Variants in SH3KBP1 observed in about 807,000 individuals in gnomAD.
The protein encoded by SH3KBP1 is SH3 domain-containing kinase-binding protein 1.
Under a neutral mutation model 50.1 loss-of-function variants are expected in SH3KBP1, and 8 were observed. That is an observed-to-expected ratio of 0.16 (90% CI 0.09 to 0.29). SH3KBP1 has a LOEUF of 0.29. SH3KBP1 is among the 10% of genes least tolerant of loss of function. The pLI is 1.00. For synonymous variants in SH3KBP1, 227 were observed against 218.6 expected, an observed-to-expected ratio of 1.04 and a Z score of -0.34; for missense variants, 377 against 535.2, an observed-to-expected ratio of 0.70 and a Z score of 2.92.
rs759651696 is a variant in SH3KBP1 at position 19,608,050 on chromosome X, A to G, written c.898-5T>C. The G allele has an allele frequency of 7.5e-6, 9 of 1,198,577 alleles. No individual in the cohort carries two copies. In the Admixed American group the frequency reaches 2.0e-4, roughly 26 times the overall value. ...CCAGCCTACGTCGATGCAGTCCTAG[A>G]AAACAGGAGAACAGAGAGTGAGAGA... On this transcript the variant is annotated splice_polypyrimidine_tract_variant and splice_region_variant and intron_variant, in intron 8 of 17. Coordinates refer to ENST00000397821, the MANE Select transcript of SH3KBP1 (RefSeq NM_031892.3).
At chrX:19,553,045 G>A (rs946983562) in intron 13 of SH3KBP1, among the ~76,000 whole-genome samples, 4 of 111,596 alleles carry the variant, frequency 3.6e-5, no homozygotes, top group African/African-American at 6.5e-5. Context: ...AGCACTTGAC[G>A]AAAATGGTGG....
chrX:19,596,559 G>A (rs1041712286), intron 9 of SH3KBP1, among the ~76,000 whole-genome samples: 3 of 111,422 alleles, frequency 2.7e-5, no homozygotes, highest in Non-Finnish European at 5.7e-5. Flanking sequence ...ACTTTCTTTC[G>A]TGAAAAATTT....
At position 19,887,365 on chromosome X, in the gene SH3KBP1, C is replaced by T. The variant is rs929155310; in HGVS notation, c.-55G>A. ...CAGCGTGAAAGTTGGCGGAGGCGGGCGTGGGGGTTGGGGCGCCGGGATCGG... is the reference window on the plus strand; with the variant it reads ...CAGCGTGAAAGTTGGCGGAGGCGGGTGTGGGGGTTGGGGCGCCGGGATCGG... On this transcript the variant is annotated 5_prime_UTR_variant, in exon 1 of 18. Coordinates refer to ENST00000397821, the MANE Select transcript of SH3KBP1 (RefSeq NM_031892.3). 7.9e-5 allele frequency: 74 copies of T among 940,780 alleles called. No individual in the cohort carries two copies. The African/African-American group carries it at 1.3e-3, about 16-fold the overall frequency. The allele number at this position is 940,780 out of a possible 1,213,427, so 77.5% of individuals were successfully genotyped here.
chrX:19,862,320 C>CAAGATA (rs1294705680), intron 1 of SH3KBP1, among the ~76,000 whole-genome samples: 1 of 112,209 alleles, frequency 8.9e-6, no homozygotes, highest in Non-Finnish European at 1.9e-5. Flanking sequence ...AGGGCATAAA[C>CAAGATA]AAGATAAATT....
intron 6 of SH3KBP1, among the ~76,000 whole-genome samples, chrX:19,666,898 A>G (rs2062613011): frequency 8.9e-6 from 1 of 112,587 alleles, no homozygotes; most frequent in Non-Finnish European, 1.9e-5. Context: ...TGGTATGCCA[A>G]TGTACATTGT....
chrX:19,768,335 A>G (rs2065683025), intron 2 of SH3KBP1, among the ~76,000 whole-genome samples: 1 of 106,539 alleles, frequency 9.4e-6, no homozygotes, highest in South Asian at 4.3e-4. Flanking sequence ...AAAAAAGCAC[A>G]CAGCAATATC....
chrX:19,808,703 A>G (rs141361568), intron 2 of SH3KBP1, among the ~76,000 whole-genome samples: 1,690 of 111,405 alleles, frequency 0.015, 24 homozygotes, highest in African/African-American at 0.042. Context: ...ACCTACTTCT[A>G]TGGGGTCTGG....
chrX:19,837,986 A>C (rs1396010509), intron 1 of SH3KBP1, among the ~76,000 whole-genome samples: 1 of 110,863 alleles, frequency 9.0e-6, no homozygotes, highest in Non-Finnish European at 1.9e-5. Context: ...ATAAGAATGG[A>C]TAGGAGAAAA....
rs1240797660 is a variant in SH3KBP1 at position 19,534,856 on chromosome X, A to G, written c.*1561T>C. On this transcript the variant is annotated 3_prime_UTR_variant, in exon 18 of 18. Transcript: ENST00000397821. ...AGGAAGGCAGGGGGAGGAAGGGAGG[A>G]AGAGAAAGGAAGAGACATTTATTTG... 1.7e-5 allele frequency: 5 copies of G among 297,169 alleles called. No homozygotes were observed. Among genetic ancestry groups the G allele is most frequent in the Non-Finnish European group, 2.3e-5 (4 of 170,268 alleles). The allele number at this position is 297,169 out of a possible 1,213,427, so 24.5% of individuals were successfully genotyped here.
chrX:19,817,383 T>C (rs2067388410), intron 2 of SH3KBP1, among the ~76,000 whole-genome samples: 1 of 112,013 alleles, frequency 8.9e-6, no homozygotes, highest in Admixed American at 9.5e-5. Flanking sequence ...AATCAACATC[T>C]TAACCACACT....
chrX:19,808,794 G>A (rs1204009014), intron 2 of SH3KBP1, among the ~76,000 whole-genome samples: 2 of 112,062 alleles, frequency 1.8e-5, no homozygotes, highest in Non-Finnish European at 1.9e-5. Context: ...TGAAATGGTC[G>A]TTTGCTCTGC....
intron 6 of SH3KBP1, among the ~76,000 whole-genome samples, chrX:19,678,719 T>C (rs1316572308): frequency 9.0e-6 from 1 of 111,619 alleles, no homozygotes; most frequent in Admixed American, 9.5e-5. Flanking sequence ...GGGGGCTATT[T>C]ATCAGGAAAG....
rs193022997 is a variant in SH3KBP1 at position 19,855,279 on chromosome X, C to T, written c.5-18997G>A. Among the ~76,000 whole-genome samples the T allele has an allele frequency of 2.6e-3, 286 of 111,990 alleles. 1 individual carries two copies. The highest frequency in any genetic ancestry group is 8.7e-3 in the African/African-American group (267 of 30,862). ...GATTACAGGCATAAGCTACCATGCC[C>T]CGCCGGTAAGCTTTTTCTTAAAGAG... On this transcript the variant is annotated intron_variant, in intron 1 of 17. Coordinates refer to ENST00000397821, the MANE Select transcript of SH3KBP1 (RefSeq NM_031892.3).
chrX:19,883,730 C>T (rs912515026), intron 1 of SH3KBP1, among the ~76,000 whole-genome samples: 7 of 111,751 alleles, frequency 6.3e-5, no homozygotes, highest in Non-Finnish European at 9.4e-5. Context: ...TGTCTGAACA[C>T]GGACAAAACA....
intron 1 of SH3KBP1, among the ~76,000 whole-genome samples, chrX:19,877,140 A>G (rs1235800043): frequency 8.9e-6 from 1 of 112,220 alleles, no homozygotes; most frequent in African/African-American, 3.2e-5. Flanking sequence ...TTTGCCATCT[A>G]ATAGTTTGTT....
At chrX:19,569,065 A>G (rs1214472328) in intron 13 of SH3KBP1, 38 bp downstream of exon 13, 1 of 1,126,877 alleles carries the variant, frequency 8.9e-7, no homozygotes, top group South Asian at 1.8e-5. Context: ...TTCTTTACTA[A>G]CTCTGCAAAG....
chrX:19,716,446 A>G (rs2063911815), intron 3 of SH3KBP1, among the ~76,000 whole-genome samples: 1 of 112,186 alleles, frequency 8.9e-6, no homozygotes, highest in African/African-American at 3.2e-5. Flanking sequence ...CAGGAAATCC[A>G]TTTGCCTGCT....
intron 6 of SH3KBP1, among the ~76,000 whole-genome samples, chrX:19,664,195 C>T (rs1200703269): frequency 1.8e-5 from 2 of 111,881 alleles, no homozygotes; most frequent in Non-Finnish European, 3.8e-5. Context: ...ACTCCGTTTA[C>T]TTGTCTCTCT....
chrX:19,793,387 C>T (rs1049032786), intron 2 of SH3KBP1, among the ~76,000 whole-genome samples: 8 of 108,559 alleles, frequency 7.4e-5, no homozygotes, highest in African/African-American at 2.4e-4. Flanking sequence ...ATCGCTGAGG[C>T]GGAATACCTG....
Sources: allele counts gnomAD v4.1 joint callset (sites outside exome capture counted in the v4.1 genomes callset), GRCh38; gene constraint gnomAD v4.1.1; transcripts MANE v1.5; gene names NCBI Gene and HGNC (gene_info 2026-07-23, HGNC 2026-07-21).